The following DNAH14 variants were observed in gnomAD, a reference collection of about 807,000 sequenced individuals.
DNAH14 encodes the protein axonemal beta dynein heavy chain 14.
DNAH14 carries 478 observed loss-of-function variants against 520.9 expected under a neutral mutation model. The observed-to-expected ratio is 0.92, with a 90% CI of 0.85 to 0.99. The LOEUF (loss-of-function observed/expected upper bound fraction) is 0.99, where lower values mean the gene tolerates loss of function less well. Ranked by LOEUF, DNAH14 falls within the 50% of genes least tolerant of loss-of-function variation. The pLI is 0.00. For synonymous variants in DNAH14, 1,581 were observed against 1,757.2 expected, an observed-to-expected ratio of 0.90 and a Z score of 2.51; for missense variants, 4,831 against 5,234.5, an observed-to-expected ratio of 0.92 and a Z score of 2.38.
chr1:225,269,633 G>GA (rs1322070138), intron 49 of DNAH14, among the ~76,000 whole-genome samples: 2 of 151,828 alleles, frequency 1.3e-5, no homozygotes, highest in African/African-American at 2.4e-5. Context: ...AAATTTACAA[G>GA]AAAAAATCAA....
intron 10 of DNAH14, among the ~76,000 whole-genome samples, chr1:225,008,510 T>C (rs1210690853): frequency 6.6e-6 from 1 of 151,488 alleles, no homozygotes; most frequent in African/African-American, 2.4e-5. Flanking sequence ...ATGTTCAAAC[T>C]AATTTACACC....
At chr1:225,180,755 A>G (rs2083889507) in intron 36 of DNAH14, among the ~76,000 whole-genome samples, 1 of 152,194 alleles carries the variant, frequency 6.6e-6, no homozygotes. Flanking sequence ...GTACTTTCAA[A>G]TAGCCTGTCT....
chr1:225,252,500 T>G lies in DNAH14; in HGVS notation c.6865+83T>G, dbSNP rs992841972. 5.4e-6 allele frequency: 4 copies of G among 742,980 alleles called. No individual in the cohort carries two copies. In the South Asian group the frequency reaches 8.2e-5, roughly 15 times the overall value. The allele number at this position is 742,980 out of a possible 1,614,324, so 46.0% of individuals were successfully genotyped here. A position where few individuals can be genotyped will look rare whatever the true frequency, so the allele number is the denominator to read the frequency against. ...CATAAAAGTAATTATATCTACTCTA[T>G]TTATAAAAGTAATTATATCTGCAAC... On this transcript the variant is annotated intron_variant, in intron 44 of 85. Coordinates refer to ENST00000682510, the MANE Select transcript of DNAH14 (RefSeq NM_001367479.1).
intron 43 of DNAH14, among the ~76,000 whole-genome samples, chr1:225,242,911 C>A (rs995343210): frequency 1.3e-5 from 2 of 152,148 alleles, no homozygotes; most frequent in Non-Finnish European, 2.9e-5. Context: ...CCATTATAAT[C>A]TTATGGTAAC....
chr1:225,149,049 C>G (rs965435725), intron 31 of DNAH14, among the ~76,000 whole-genome samples: 4 of 151,676 alleles, frequency 2.6e-5, no homozygotes, highest in African/African-American at 9.8e-5. Flanking sequence ...CAAAATGGTA[C>G]TGCCTAGGTT....
rs73133544 is a variant in DNAH14, at chr1:225,080,592, G to A, written c.2980G>A (p.Gly994Ser). 10,373 of 1,552,090 alleles carry A rather than the reference G, an allele frequency of 6.7e-3. 545 individuals carry two copies. The African/African-American group carries it at 0.12, about 18-fold the overall frequency. The change falls in exon 19 of 86, where the codon GGT (glycine) becomes AGT (serine). Residue 994 changes from glycine (G) to serine (S), a missense_variant. Physicochemically the swap from Gly to Ser is moderately conservative, Grantham distance 56. Coordinates refer to ENST00000682510, the MANE Select transcript of DNAH14 (RefSeq NM_001367479.1). The part of the protein sequence containing the change: ...IVLSEISDIE[G>S]DLTLRKKLWE... The stretch of plus-strand genomic sequence containing the variant: ...GCTTTCAGAGATCTCTGACATTGAA[G>A]GTGACTTGACTTTGAGGAAAAAACT...
At chr1:225,306,307 T>C (rs979736648) in intron 58 of DNAH14, among the ~76,000 whole-genome samples, 13 of 152,188 alleles carry the variant, frequency 8.5e-5, no homozygotes, top group African/African-American at 2.9e-4. Flanking sequence ...ATAATGAGGC[T>C]AAAGAGAATC....
At chr1:225,023,364 C>CT (rs373448459) in intron 10 of DNAH14, among the ~76,000 whole-genome samples, 4,231 of 144,814 alleles carry the variant, frequency 0.029, 171 homozygotes, top group African/African-American at 0.097. Context: ...TCTCCTCTGT[C>CT]TTTTTTTTTT....
At chr1:225,163,626 C>G (rs2149170533) in intron 35 of DNAH14, among the ~76,000 whole-genome samples, 1 of 152,246 alleles carries the variant, frequency 6.6e-6, no homozygotes, top group Non-Finnish European at 1.5e-5. Flanking sequence ...TGGTTTTTGT[C>G]CTTCATTCTT....
chr1:225,167,792 A>G, intron 35 of DNAH14, 147 bp from the exon 36 acceptor site: 3 of 464,624 alleles, frequency 6.5e-6, no homozygotes, highest in Non-Finnish European at 1.2e-5. Flanking sequence ...TACTATTCTC[A>G]GAGACAGAGG....
At chr1:225,064,966 A>C (rs2070676440) in intron 17 of DNAH14, among the ~76,000 whole-genome samples, 1 of 152,046 alleles carries the variant, frequency 6.6e-6, no homozygotes, top group Admixed American at 6.6e-5. Context: ...TACTATTTGA[A>C]GGAAGGTATT....
At chr1:225,114,116 A>G (rs1434281270) in intron 23 of DNAH14, among the ~76,000 whole-genome samples, 2 of 152,160 alleles carry the variant, frequency 1.3e-5, no homozygotes, top group Non-Finnish European at 2.9e-5. Context: ...AGAATGTCTC[A>G]GAGTCTCACC....
At chr1:225,156,484 C>T (rs927122623) in intron 34 of DNAH14, among the ~76,000 whole-genome samples, 2 of 151,986 alleles carry the variant, frequency 1.3e-5, no homozygotes, top group Non-Finnish European at 2.9e-5. Flanking sequence ...GTTATTGTTC[C>T]GTCAAATTAC....
chr1:225,002,561 C>A (rs1267199440), intron 8 of DNAH14, among the ~76,000 whole-genome samples: 1 of 152,072 alleles, frequency 6.6e-6, no homozygotes, highest in Non-Finnish European at 1.5e-5. Flanking sequence ...GTTTCCCCCT[C>A]CTATTTTGTT....
At chr1:225,083,850 A>G (rs1165952256) in intron 20 of DNAH14, among the ~76,000 whole-genome samples, 1 of 152,190 alleles carries the variant, frequency 6.6e-6, no homozygotes, top group Non-Finnish European at 1.5e-5. Flanking sequence ...CAGCATGCAT[A>G]AAATCTAGCA....
intron 22 of DNAH14, among the ~76,000 whole-genome samples, chr1:225,098,637 G>T (rs2075195297): frequency 6.6e-6 from 1 of 152,160 alleles, no homozygotes; most frequent in South Asian, 2.1e-4. Flanking sequence ...CTTATCATAT[G>T]AATGCTTGGG....
At chr1:225,026,915 G>A (rs961025453) in intron 11 of DNAH14, among the ~76,000 whole-genome samples, 3 of 151,918 alleles carry the variant, frequency 2.0e-5, no homozygotes, top group Admixed American at 6.6e-5. Flanking sequence ...ATTTATGTAG[G>A]CATTCTTTAA....
intron 1 of DNAH14, among the ~76,000 whole-genome samples, chr1:224,933,314 A>G (rs979327683): frequency 3.9e-5 from 6 of 152,128 alleles, no homozygotes; most frequent in Admixed American, 2.6e-4. Context: ...TATAAAATCT[A>G]AGAATTGTTT....
chr1:225,337,513 GC>G lies in DNAH14; in HGVS notation c.10311+19del. 1 of 1,541,228 alleles carries G rather than the reference GC, an allele frequency of 6.5e-7. No individual in the cohort carries two copies. Among genetic ancestry groups the G allele is most frequent in the East Asian group, 2.4e-5 (1 of 40,856 alleles). ...CTCCTGCAGGTAAGTGGGCAGTATGGCCTAATTTCCCTTGCAGCTGATACAT... is the reference window on the plus strand; with the variant it reads ...CTCCTGCAGGTAAGTGGGCAGTATGGCTAATTTCCCTTGCAGCTGATACAT... On this transcript the variant is annotated intron_variant, in intron 67 of 85. Transcript: ENST00000682510.
Sources: allele counts gnomAD v4.1 joint callset (sites outside exome capture counted in the v4.1 genomes callset), GRCh38; gene constraint gnomAD v4.1.1; transcripts MANE v1.5; gene names NCBI Gene and HGNC (gene_info 2026-07-23, HGNC 2026-07-21).